The following SDK1 variants were observed in gnomAD, a reference collection of about 807,000 sequenced individuals.
SDK1 encodes the protein protein sidekick-1.
In SDK1, 157 loss-of-function variants were observed where a neutral mutation model predicts 245.5. The observed-to-expected ratio is 0.64, with a 90% CI of 0.56 to 0.73. The LOEUF (loss-of-function observed/expected upper bound fraction) is 0.73, where lower values mean the gene tolerates loss of function less well. Among genes scored for constraint, SDK1 ranks in the 30% least tolerant of loss-of-function variants. The pLI, the probability that SDK1 is intolerant of heterozygous loss-of-function variation, is 0.00. For synonymous variants in SDK1, 1,647 were observed against 1,278.5 expected (o/e 1.29, Z -6.15); for missense variants, 3,583 against 3,002.3 (o/e 1.19, Z -4.52).
At chr7:4,178,246 T>TACCTGAAC (rs1285976961) in intron 34 of SDK1, among the ~76,000 whole-genome samples, 1 of 152,184 alleles carries the variant, frequency 6.6e-6, no homozygotes, top group Non-Finnish European at 1.5e-5. Flanking sequence ...TGCTGCCTCT[T>TACCTGAAC]ACCTGAACAC....
chr7:4,248,747 A>G (rs1281537478), intron 44 of SDK1, among the ~76,000 whole-genome samples: 1 of 152,120 alleles, frequency 6.6e-6, no homozygotes, highest in African/African-American at 2.4e-5. Context: ...TGTACATGCA[A>G]AAATTTGCAT....
At chr7:3,647,420 T>C (rs1467643173) in intron 4 of SDK1, among the ~76,000 whole-genome samples, 1 of 152,160 alleles carries the variant, frequency 6.6e-6, no homozygotes, top group African/African-American at 2.4e-5. Flanking sequence ...TACATCAAGC[T>C]CTTTTCTGTT....
intron 1 of SDK1, among the ~76,000 whole-genome samples, chr7:3,601,267 T>A (rs1781246374): frequency 6.6e-6 from 1 of 152,204 alleles, no homozygotes; most frequent in Non-Finnish European, 1.5e-5. Flanking sequence ...CTCTACTGTT[T>A]TCTGGACAAA....
At chr7:3,525,125 T>A (rs1439247416) in intron 1 of SDK1, among the ~76,000 whole-genome samples, 1 of 152,274 alleles carries the variant, frequency 6.6e-6, no homozygotes, top group African/African-American at 2.4e-5. Flanking sequence ...CAGGAGGATG[T>A]GCATGGGTTA....
intron 4 of SDK1, among the ~76,000 whole-genome samples, chr7:3,661,428 C>G (rs1003115734): frequency 6.6e-6 from 1 of 152,186 alleles, no homozygotes; most frequent in African/African-American, 2.4e-5. Context: ...CTCTGATCCT[C>G]TGTTGTGAGT....
intron 1 of SDK1, among the ~76,000 whole-genome samples, chr7:3,442,112 A>G (rs746646167): frequency 6.6e-6 from 1 of 152,212 alleles, no homozygotes; most frequent in Non-Finnish European, 1.5e-5. Flanking sequence ...GATTTAAGCC[A>G]GAGGTTCAGG....
chr7:3,786,523 A>G (rs1280822385), intron 4 of SDK1, among the ~76,000 whole-genome samples: 1 of 152,238 alleles, frequency 6.6e-6, no homozygotes, highest in Non-Finnish European at 1.5e-5. Flanking sequence ...TAATACTCTT[A>G]TAAGCCTCTC....
rs112758409 is a variant in SDK1, at chr7:3,695,205, A to T, written c.713+53100A>T. 4.1e-3 allele frequency among the ~76,000 whole-genome samples: 628 copies of T among 152,348 alleles called. 8 individuals are homozygous for T. The highest frequency in any genetic ancestry group is 0.014 in the African/African-American group (587 of 41,586). On this transcript the variant is annotated intron_variant, in intron 4 of 44. Coordinates refer to ENST00000404826, the MANE Select transcript of SDK1 (RefSeq NM_152744.4). Reference sequence around the variant, plus strand: ...GGTCTACTTACACTAGGCGCCTCACACAGCAAATTAAATAAGTATTTCCGT... The same window carrying T: ...GGTCTACTTACACTAGGCGCCTCACTCAGCAAATTAAATAAGTATTTCCGT...
chr7:3,916,118 T>G (rs112866735), intron 5 of SDK1, among the ~76,000 whole-genome samples: 2 of 151,998 alleles, frequency 1.3e-5, no homozygotes, highest in African/African-American at 4.8e-5. Context: ...CTTCAGTATT[T>G]AGAGAAAAGA....
chr7:4,083,734 A>ACTTCCTCTCTCCCTTCTTTACTTCC (rs1562785192), intron 22 of SDK1, among the ~76,000 whole-genome samples: 1 of 4,114 alleles, frequency 2.4e-4, no homozygotes, highest in Non-Finnish European at 5.0e-4. Flanking sequence ...TACTTCCTCC[A>ACTTCCTCTCTCCCTTCTTTACTTCC]TCCCTCCCTT....
chr7:3,757,523 C>T (rs534599890), intron 4 of SDK1, among the ~76,000 whole-genome samples: 2 of 152,280 alleles, frequency 1.3e-5, no homozygotes, highest in African/African-American at 2.4e-5. Context: ...AGGTGTGAGT[C>T]ACCAGGCCTG....
intron 1 of SDK1, among the ~76,000 whole-genome samples, chr7:3,325,546 C>T (rs1779920244): frequency 6.6e-6 from 1 of 151,900 alleles, no homozygotes; most frequent in Non-Finnish European, 1.5e-5. Context: ...AATCCTAGTT[C>T]CCAGGGGCCA....
intron 1 of SDK1, among the ~76,000 whole-genome samples, chr7:3,309,638 TTTTATTCAGCA>T (rs939238729): frequency 6.6e-6 from 1 of 152,088 alleles, no homozygotes; most frequent in Non-Finnish European, 1.5e-5. Flanking sequence ...TTCTGATTTT[TTTTATTCAGCA>T]TTTATTCAGC....
chr7:4,091,497 C>A (rs1177669215), intron 22 of SDK1, among the ~76,000 whole-genome samples: 1 of 151,792 alleles, frequency 6.6e-6, no homozygotes, highest in Non-Finnish European at 1.5e-5. Flanking sequence ...CACGTACCAC[C>A]ACACCTGGCT....
intron 1 of SDK1, among the ~76,000 whole-genome samples, chr7:3,551,017 A>G (rs927474456): frequency 6.6e-6 from 1 of 152,212 alleles, no homozygotes; most frequent in Admixed American, 6.5e-5. Flanking sequence ...CTTTTAATAT[A>G]TTTTTTAGAA....
chr7:3,431,553 T>A (rs1025416303), intron 1 of SDK1, among the ~76,000 whole-genome samples: 1 of 151,800 alleles, frequency 6.6e-6, no homozygotes, highest in African/African-American at 2.4e-5. Flanking sequence ...ACCAAATCAA[T>A]TTTTTTTAGT....
intron 5 of SDK1, among the ~76,000 whole-genome samples, chr7:3,840,136 A>G (rs942152970): frequency 6.6e-6 from 1 of 152,340 alleles, no homozygotes; most frequent in South Asian, 2.1e-4. Context: ...TGAGAGGGAC[A>G]TCGTTTTTCA....
chr7:4,167,549 C>G (rs1308842612), intron 32 of SDK1, among the ~76,000 whole-genome samples: 1 of 152,228 alleles, frequency 6.6e-6, no homozygotes, highest in Non-Finnish European at 1.5e-5. Context: ...AAGCTTCTCT[C>G]CACACAGATG....
chr7:3,931,556 G>C (rs192237799), intron 5 of SDK1, among the ~76,000 whole-genome samples: 1 of 152,178 alleles, frequency 6.6e-6, no homozygotes, highest in East Asian at 1.9e-4. Flanking sequence ...TGTTCTGGAA[G>C]AATAATTTTG....
Sources: gnomAD v4.1 joint callset for allele counts (sites outside exome capture counted in the v4.1 genomes callset) on GRCh38, gnomAD v4.1.1 for gene constraint, MANE v1.5 for transcripts, NCBI Gene and HGNC (gene_info 2026-07-23, HGNC 2026-07-21) for gene names.